Variants in NPAS3 observed in about 807,000 individuals in gnomAD.
The protein encoded by NPAS3 is neuronal PAS domain protein 3.
In NPAS3, 14 loss-of-function variants were observed where a neutral mutation model predicts 73.1. That is an observed-to-expected ratio of 0.19 (90% CI 0.13 to 0.30). The LOEUF (loss-of-function observed/expected upper bound fraction) is 0.30, where lower values mean the gene tolerates loss of function less well. Among genes scored for constraint, NPAS3 ranks in the 10% least tolerant of loss-of-function variants. The pLI is 1.00. For missense variants in NPAS3, 1,096 were observed against 1,250.0 expected, an observed-to-expected ratio of 0.88 and a Z score of 1.86; for synonymous variants, 620 against 541.5, an observed-to-expected ratio of 1.14 and a Z score of -2.01.
intron 1 of NPAS3, among the ~76,000 whole-genome samples, chr14:33,015,636 A>G (rs1461550438): frequency 1.3e-5 from 2 of 152,220 alleles, no homozygotes; most frequent in African/African-American, 4.8e-5. Flanking sequence ...CCCACTATGT[A>G]TTATATAGAT....
intron 3 of NPAS3, among the ~76,000 whole-genome samples, chr14:33,307,921 C>T (rs1427542740): frequency 6.6e-6 from 1 of 152,124 alleles, no homozygotes; most frequent in Non-Finnish European, 1.5e-5. Flanking sequence ...ACCAGCCTTC[C>T]GTTGTTGGAA....
At chr14:33,623,366 T>G (rs970998158) in intron 5 of NPAS3, among the ~76,000 whole-genome samples, 1 of 152,134 alleles carries the variant, frequency 6.6e-6, no homozygotes, top group Non-Finnish European at 1.5e-5. Flanking sequence ...GAATGACAAC[T>G]CAGGCCAAAA....
intron 1 of NPAS3, among the ~76,000 whole-genome samples, chr14:33,013,006 T>G (rs2039265879): frequency 1.3e-5 from 2 of 152,232 alleles, no homozygotes; most frequent in African/African-American, 4.8e-5. Flanking sequence ...GTTTTCTGAC[T>G]GAAAATGTTC....
chr14:33,294,931 C>A (rs1054697024), intron 3 of NPAS3, among the ~76,000 whole-genome samples: 1 of 152,094 alleles, frequency 6.6e-6, no homozygotes, highest in Non-Finnish European at 1.5e-5. Flanking sequence ...GATCTTTTAG[C>A]GTCTTGCCTT....
chr14:33,257,564 G>A (rs1019131885), intron 3 of NPAS3, among the ~76,000 whole-genome samples: 2 of 152,122 alleles, frequency 1.3e-5, no homozygotes, highest in South Asian at 2.1e-4. Flanking sequence ...GTGTGCTGAC[G>A]GGATTGCTTT....
At chr14:32,967,211 C>A (rs2037212422) in intron 1 of NPAS3, among the ~76,000 whole-genome samples, 1 of 152,146 alleles carries the variant, frequency 6.6e-6, no homozygotes, top group Admixed American at 6.5e-5. Context: ...TGATCCACTT[C>A]CACTTAATGA....
intron 5 of NPAS3, among the ~76,000 whole-genome samples, chr14:33,581,909 T>G (rs1219918133): frequency 1.3e-5 from 2 of 152,230 alleles, no homozygotes; most frequent in Non-Finnish European, 2.9e-5. Flanking sequence ...ACTTACAAAG[T>G]ATTGTTAATG....
chr14:33,100,404 A>G (rs1390350777), intron 2 of NPAS3, among the ~76,000 whole-genome samples: 1 of 152,172 alleles, frequency 6.6e-6, no homozygotes, highest in Non-Finnish European at 1.5e-5. Flanking sequence ...AGCTATGGGG[A>G]TAACTGATAT....
intron 2 of NPAS3, among the ~76,000 whole-genome samples, chr14:33,141,746 A>G (rs1192465820): frequency 1.3e-5 from 2 of 152,168 alleles, no homozygotes; most frequent in African/African-American, 4.8e-5. Flanking sequence ...CTTTGCGTAC[A>G]TTTTGTATGA....
At chr14:33,113,570 G>A (rs2138983438) in intron 2 of NPAS3, among the ~76,000 whole-genome samples, 1 of 152,150 alleles carries the variant, frequency 6.6e-6, no homozygotes, top group Admixed American at 6.5e-5. Flanking sequence ...ATTTTGGGCT[G>A]AGACAATAGG....
At chr14:33,593,242 T>C (rs186459615) in intron 5 of NPAS3, among the ~76,000 whole-genome samples, 1 of 152,246 alleles carries the variant, frequency 6.6e-6, no homozygotes, top group East Asian at 1.9e-4. Context: ...AGGTATTAAC[T>C]CTCTGGCGGA....
At chr14:33,136,079 G>A (rs1223271769) in intron 2 of NPAS3, among the ~76,000 whole-genome samples, 1 of 54,234 alleles carries the variant, frequency 1.8e-5, no homozygotes. Context: ...TTTTTTTTTT[G>A]AGACAGAGTC....
At chr14:33,281,339 T>G (rs1183604076) in intron 3 of NPAS3, among the ~76,000 whole-genome samples, 3 of 152,056 alleles carry the variant, frequency 2.0e-5, no homozygotes, top group African/African-American at 4.8e-5. Context: ...ATTTTAAACA[T>G]TTTTTTTCAG....
At chr14:33,777,946 C>T (rs1420806445) in intron 8 of NPAS3, among the ~76,000 whole-genome samples, 1 of 152,244 alleles carries the variant, frequency 6.6e-6, no homozygotes, top group African/African-American at 2.4e-5. Context: ...CCCCAGGCAT[C>T]TGTATGTCTC....
intron 4 of NPAS3, among the ~76,000 whole-genome samples, chr14:33,501,702 T>A (rs1173933369): frequency 1.3e-5 from 2 of 151,606 alleles, no homozygotes; most frequent in Non-Finnish European, 2.9e-5. Flanking sequence ...GTGTTAACAG[T>A]CCTGAGCTGC....
At chr14:33,688,091 T>C (rs2060138560) in intron 6 of NPAS3, among the ~76,000 whole-genome samples, 1 of 152,218 alleles carries the variant, frequency 6.6e-6, no homozygotes, top group Non-Finnish European at 1.5e-5. Flanking sequence ...TTTCCAACTC[T>C]AATTTTAGGT....
intron 6 of NPAS3, among the ~76,000 whole-genome samples, chr14:33,717,294 G>C (rs1325245500): frequency 6.6e-6 from 1 of 150,738 alleles, no homozygotes; most frequent in Non-Finnish European, 1.5e-5. Flanking sequence ...CAAAAGGTAG[G>C]AAGGAGTCCT....
intron 6 of NPAS3, among the ~76,000 whole-genome samples, chr14:33,714,256 A>G (rs1184647339): frequency 6.6e-6 from 1 of 151,958 alleles, no homozygotes; most frequent in African/African-American, 2.4e-5. Flanking sequence ...AGCACACTAG[A>G]TCTTTTTTCT....
At chr14:33,170,565 C>G (rs1348639044) in intron 2 of NPAS3, among the ~76,000 whole-genome samples, 1 of 152,222 alleles carries the variant, frequency 6.6e-6, no homozygotes, top group African/African-American at 2.4e-5. Context: ...AGTAAAACTT[C>G]TATCAAAATT....
Sources: allele counts gnomAD v4.1 joint callset (sites outside exome capture counted in the v4.1 genomes callset), GRCh38; gene constraint gnomAD v4.1.1; transcripts MANE v1.5; gene names NCBI Gene and HGNC (gene_info 2026-07-23, HGNC 2026-07-21).